NXN: variants seen among roughly 807,000 people sequenced by gnomAD.
NXN encodes nucleoredoxin, also known as nucleoredoxin 1.
A neutral mutation model predicts 48.6 loss-of-function variants in NXN; 16 were observed. That is an observed-to-expected ratio of 0.33 (90% CI 0.22 to 0.50). NXN has a LOEUF of 0.50. Ranked by LOEUF, NXN falls within the 20% of genes least tolerant of loss-of-function variation. NXN has a pLI of 0.98. For synonymous variants in NXN, 281 were observed against 269.6 expected (o/e 1.04, Z -0.41); for missense variants, 492 against 605.5 (o/e 0.81, Z 1.97).
intron 1 of NXN, among the ~76,000 whole-genome samples, chr17:827,868 T>C (rs930859979): frequency 3.9e-5 from 6 of 152,078 alleles, no homozygotes; most frequent in Admixed American, 6.6e-5. Flanking sequence ...GGGATGAGGA[T>C]TGTCCCGAGT....
chr17:911,531 G>A (rs943362579), intron 1 of NXN, among the ~76,000 whole-genome samples: 9 of 151,632 alleles, frequency 5.9e-5, no homozygotes, highest in Non-Finnish European at 1.2e-4. Context: ...GTGTTTTACC[G>A]TGTTAGCCAG....
intron 5 of NXN, among the ~76,000 whole-genome samples, chr17:812,739 T>C (rs910915472): frequency 7.2e-6 from 1 of 138,238 alleles, no homozygotes; most frequent in East Asian, 2.1e-4. Flanking sequence ...GAGTGTAGGG[T>C]GCGTGAGTGA....
chr17:917,242 A>T lies in NXN; in HGVS notation c.360+62077T>A, dbSNP rs1282353872. Among the ~76,000 whole-genome samples the T allele has an allele frequency of 6.6e-6, 1 of 152,002 alleles. No homozygotes were observed. The highest frequency in any genetic ancestry group is 1.9e-4 in the East Asian group (1 of 5,156). On this transcript the variant is annotated intron_variant, in intron 1 of 7. Transcript: ENST00000336868. The surrounding 1 kb of genome is among the most constrained non-coding windows in gnomAD (Gnocchi z 4.5). Reference sequence around the variant, plus strand: ...CCGTGGCCTCCGCCTCGCGGGTTCAAGCGATTCTCCTGCCTCAGCCTCCCG... The same window carrying T: ...CCGTGGCCTCCGCCTCGCGGGTTCATGCGATTCTCCTGCCTCAGCCTCCCG...
intron 5 of NXN, among the ~76,000 whole-genome samples, chr17:818,373 T>C (rs932508370): frequency 7.2e-5 from 11 of 151,816 alleles, no homozygotes; most frequent in South Asian, 2.1e-4. Flanking sequence ...CACTCAGCCC[T>C]CACTATCACG....
At chr17:811,958 C>A (rs981661149) in intron 5 of NXN, among the ~76,000 whole-genome samples, 2 of 137,728 alleles carry the variant, frequency 1.5e-5, no homozygotes, top group Non-Finnish European at 3.1e-5. Context: ...GACGGAGTCT[C>A]GCTCTGTCGC....
chr17:887,415 G>A (rs955407354), intron 1 of NXN, among the ~76,000 whole-genome samples: 8 of 152,024 alleles, frequency 5.3e-5, no homozygotes, highest in Non-Finnish European at 1.0e-4. Flanking sequence ...CACCAACTTG[G>A]GAAGCTGCCG....
intron 5 of NXN, among the ~76,000 whole-genome samples, chr17:805,815 A>C (rs907957595): frequency 1.3e-5 from 2 of 152,042 alleles, no homozygotes; most frequent in Non-Finnish European, 2.9e-5. Context: ...TCCAGCCTGG[A>C]CAACAGAGCA....
chr17:942,213 C>CAGTG (rs1223934512), intron 1 of NXN, among the ~76,000 whole-genome samples: 1 of 142,008 alleles, frequency 7.0e-6, no homozygotes, highest in Non-Finnish European at 1.5e-5. Context: ...CCTGGATTTA[C>CAGTG]AGTGAACAAG....
chr17:810,531 T>C (rs962822517), intron 5 of NXN, among the ~76,000 whole-genome samples: 1 of 152,204 alleles, frequency 6.6e-6, no homozygotes, highest in Non-Finnish European at 1.5e-5. Context: ...GCCCAGAATC[T>C]GTTCCTCGGA....
chr17:931,285 CAAAAA>C (rs778432060), intron 1 of NXN, among the ~76,000 whole-genome samples: 1 of 107,104 alleles, frequency 9.3e-6, no homozygotes. Context: ...AGACTCCATC[CAAAAA>C]AAAAAAAAAA....
chr17:918,915 T>C (rs1295879525), intron 1 of NXN, among the ~76,000 whole-genome samples: 1 of 150,408 alleles, frequency 6.6e-6, no homozygotes, highest in Non-Finnish European at 1.5e-5. Flanking sequence ...AAAATGTCTC[T>C]GCAGCCAGGC....
intron 1 of NXN, among the ~76,000 whole-genome samples, chr17:848,663 A>G (rs527270560): frequency 7.2e-5 from 11 of 152,200 alleles, no homozygotes; most frequent in Non-Finnish European, 1.6e-4. Context: ...AGCGAACTCA[A>G]AGGGGCCACC....
At chr17:897,075 AG>A in intron 1 of NXN, 1 of 1,063,030 alleles carries the variant, frequency 9.4e-7, no homozygotes, top group Non-Finnish European at 1.1e-6. Context: ...TTTGACAGCC[AG>A]GGACTGGTAA....
At chr17:840,581 C>T (rs148686085) in intron 1 of NXN, among the ~76,000 whole-genome samples, 7,218 of 152,194 alleles carry the variant, frequency 0.047, 291 homozygotes, top group East Asian at 0.24. Context: ...CCTCGTGATC[C>T]GCCCGCCTGG....
At chr17:970,945 C>CTTT (rs398058506) in intron 1 of NXN, among the ~76,000 whole-genome samples, 42 of 134,018 alleles carry the variant, frequency 3.1e-4, no homozygotes, top group African/African-American at 1.1e-3. Context: ...ATATGAGACT[C>CTTT]TTTTTTTTTT....
At chr17:910,468 C>T (rs1460926647) in intron 1 of NXN, among the ~76,000 whole-genome samples, 2 of 151,384 alleles carry the variant, frequency 1.3e-5, no homozygotes, top group Non-Finnish European at 2.9e-5. Flanking sequence ...AAGTGTTTTC[C>T]AAATGCTGTA....
At position 920,317 on chromosome 17, in the gene NXN, C is replaced by G. The variant is rs897373204; in HGVS notation, c.360+59002G>C. 1.3e-5 allele frequency among the ~76,000 whole-genome samples: 2 copies of G among 152,176 alleles called. No homozygotes were observed. Among genetic ancestry groups the G allele is most frequent in the Non-Finnish European group, 2.9e-5 (2 of 68,024 alleles). On this transcript the variant is annotated intron_variant, in intron 1 of 7. Coordinates refer to ENST00000336868, the MANE Select transcript of NXN (RefSeq NM_022463.5). This position sits in a 1 kb window ranked among gnomAD's most constrained non-coding sequence, Gnocchi z 4.6. Reference sequence around the variant, plus strand: ...GCAACGTCAACATCAAGTGATTGTTCAAATTCAGCCAAGGGGGCCGATGAG... The same window carrying G: ...GCAACGTCAACATCAAGTGATTGTTGAAATTCAGCCAAGGGGGCCGATGAG...
Position 925,481 on chromosome 17 carries a change from C to G in NXN, c.360+53838G>C, listed in dbSNP as rs144896226. ...TCAGCTCACTGCAACCTCCGCCTCC[C>G]GGGTTCAAGCGATTCTCCTGCCTCA... On this transcript the variant is annotated intron_variant, in intron 1 of 7. Transcript: ENST00000336868. Among the ~76,000 whole-genome samples, 1,047 of 152,300 alleles carry G rather than the reference C, an allele frequency of 6.9e-3. 8 individuals are homozygous for G. Among genetic ancestry groups the G allele is most frequent in the South Asian group, 0.021 (102 of 4,818 alleles).
At chr17:862,111 G>A (rs1284282945) in intron 1 of NXN, among the ~76,000 whole-genome samples, 11 of 152,120 alleles carry the variant, frequency 7.2e-5, no homozygotes, top group African/African-American at 1.9e-4. Context: ...GATTACAGGC[G>A]TGAGCCACCG....
Sources: gnomAD v4.1 joint callset for allele counts (sites outside exome capture counted in the v4.1 genomes callset) on GRCh38, gnomAD v4.1.1 for gene constraint, Gnocchi (gnomAD v3.1) non-coding constraint, MANE v1.5 for transcripts, NCBI Gene and HGNC (gene_info 2026-07-23, HGNC 2026-07-21) for gene names.